GABRG3: variants seen among roughly 807,000 people sequenced by gnomAD.
GABRG3 encodes the protein gamma-aminobutyric acid receptor subunit gamma-3.
Under a neutral mutation model 48.8 loss-of-function variants are expected in GABRG3, and 25 were observed. The ratio of observed to expected loss-of-function variants is 0.51; its 90% CI spans 0.37 to 0.72. GABRG3 has a LOEUF of 0.72. Ranked by LOEUF, GABRG3 falls within the 30% of genes least tolerant of loss-of-function variation. GABRG3 has a pLI of 0.00. For synonymous variants in GABRG3, 227 were observed against 217.6 expected (o/e 1.04, Z -0.38); for missense variants, 394 against 577.9 (o/e 0.68, Z 3.26).
intron 3 of GABRG3, among the ~76,000 whole-genome samples, chr15:27,197,057 A>G (rs1362902337): frequency 6.6e-6 from 1 of 152,220 alleles, no homozygotes; most frequent in East Asian, 1.9e-4. Flanking sequence ...GTGAGAAGGA[A>G]TGGATAGAAC....
At chr15:27,099,315 C>T (rs1038837915) in intron 3 of GABRG3, among the ~76,000 whole-genome samples, 5 of 152,042 alleles carry the variant, frequency 3.3e-5, no homozygotes, top group African/African-American at 4.8e-5. Flanking sequence ...AGCCTGGGCA[C>T]TTTATTTTCT....
intron 3 of GABRG3, among the ~76,000 whole-genome samples, chr15:27,055,192 G>A (rs1896524141): frequency 6.6e-6 from 1 of 152,054 alleles, no homozygotes; most frequent in Non-Finnish European, 1.5e-5. Flanking sequence ...TCCCGCACCG[G>A]AGCAGCCTGT....
intron 3 of GABRG3, among the ~76,000 whole-genome samples, chr15:27,276,331 A>G (rs1891251566): frequency 6.6e-6 from 1 of 152,212 alleles, no homozygotes; most frequent in Non-Finnish European, 1.5e-5. Flanking sequence ...AGTTATTGAC[A>G]GATCCCGAAT....
In GABRG3 at chr15:27,001,615, T is replaced by TA. The variant is rs1255102997; in HGVS notation, c.202+24465_202+24466insA. The stretch of plus-strand genomic sequence containing the variant: ...AGCTATGGTTTCACTGGGATACTCT[T>TA]TATTAGGTCGTGTTTGTCACAGGGC... On this transcript the variant is annotated intron_variant, in intron 2 of 9. Transcript: ENST00000615808. Among the ~76,000 whole-genome samples the TA allele has an allele frequency of 2.0e-5, 3 of 152,226 alleles. No individual in the cohort carries two copies. In the East Asian group the frequency reaches 5.8e-4, roughly 29 times the overall value.
chr15:27,229,990 A>T (rs955948186), intron 3 of GABRG3, among the ~76,000 whole-genome samples: 1 of 152,216 alleles, frequency 6.6e-6, no homozygotes, highest in Admixed American at 6.5e-5. Context: ...TTCTTTGGAC[A>T]GTATGGACAT....
intron 2 of GABRG3, among the ~76,000 whole-genome samples, chr15:26,984,317 G>A (rs564276799): frequency 3.5e-4 from 54 of 152,152 alleles, no homozygotes; most frequent in Admixed American, 2.3e-3. Context: ...AACTGCAGCA[G>A]GGCGATCCAT....
chr15:27,380,139 C>T (rs12905149), intron 5 of GABRG3, among the ~76,000 whole-genome samples: 58,122 of 151,776 alleles, frequency 0.38, 11,658 homozygotes, highest in African/African-American at 0.48. Context: ...TCAAGCTTAC[C>T]GTTTTCTCAG....
At chr15:27,493,513 A>G (rs1222393886) in intron 6 of GABRG3, among the ~76,000 whole-genome samples, 1 of 152,198 alleles carries the variant, frequency 6.6e-6, no homozygotes, top group Non-Finnish European at 1.5e-5. Context: ...TCTGGATTCT[A>G]TTAGAATAAA....
At chr15:27,026,642 G>T (rs35270520) in intron 2 of GABRG3, 112 bp from the exon 3 acceptor site, 97,232 of 569,214 alleles carry the variant, frequency 0.17, 8,710 homozygotes, top group Non-Finnish European at 0.19. Context: ...CTGCTCATGT[G>T]TGTTTCCACC....
chr15:27,227,537 A>G (rs1042162540), intron 3 of GABRG3, among the ~76,000 whole-genome samples: 10 of 152,034 alleles, frequency 6.6e-5, no homozygotes, highest in African/African-American at 2.2e-4. Flanking sequence ...TATTTTTTAA[A>G]TTATCTGGCC....
In GABRG3 at chr15:27,290,441, A is replaced by G. The variant is rs549187230; in HGVS notation, c.271-36368A>G. On this transcript the variant is annotated intron_variant, in intron 3 of 9. Transcript: ENST00000615808. ...CAAGAAAGTGACTTTACAGTGGAGA[A>G]AGCTGGCAAATATGATCTTATCCAG... Among the ~76,000 whole-genome samples, 3 of 152,236 alleles carry G rather than the reference A, an allele frequency of 2.0e-5. No individual in the cohort carries two copies. The South Asian group carries it at 6.2e-4, about 32-fold the overall frequency.
intron 3 of GABRG3, among the ~76,000 whole-genome samples, chr15:27,212,552 A>T (rs1437168530): frequency 1.3e-5 from 2 of 152,182 alleles, no homozygotes; most frequent in Non-Finnish European, 2.9e-5. Context: ...GAAAATCCTC[A>T]TGCTCATTAT....
chr15:27,522,331 G>C (rs1891178011), intron 7 of GABRG3, among the ~76,000 whole-genome samples: 1 of 151,700 alleles, frequency 6.6e-6, no homozygotes, highest in Admixed American at 6.6e-5. Flanking sequence ...AAACCATAGT[G>C]AAAATTCTAA....
chr15:27,065,539 C>G (rs1269849547), intron 3 of GABRG3, among the ~76,000 whole-genome samples: 4 of 152,190 alleles, frequency 2.6e-5, no homozygotes, highest in South Asian at 2.1e-4. Context: ...TCCTTCCATT[C>G]CCAATATCCC....
In GABRG3 at chr15:27,342,580, G is replaced by C. The variant is rs951625714; in HGVS notation, c.574+13692G>C. On this transcript the variant is annotated intron_variant, in intron 5 of 9. Coordinates refer to ENST00000615808, the MANE Select transcript of GABRG3 (RefSeq NM_033223.5). ...GAGAAAAGAAACGTGGAAATGCAAG[G>C]GTTCGCAGATTCTCAGGGCATTCCC... 3.9e-5 allele frequency among the ~76,000 whole-genome samples: 6 copies of C among 152,204 alleles called. No individual in the cohort carries two copies. In the East Asian group the frequency reaches 9.6e-4, roughly 24 times the overall value.
intron 1 of GABRG3, 116 bp downstream of exon 1, chr15:26,971,704 G>T (rs943606682): frequency 6.0e-5 from 70 of 1,160,764 alleles, no homozygotes; most frequent in Non-Finnish European, 7.5e-5. Context: ...GCGGCACGGC[G>T]GGCCGGGAGG....
At chr15:27,226,496 G>A (rs1889621262) in intron 3 of GABRG3, among the ~76,000 whole-genome samples, 1 of 152,146 alleles carries the variant, frequency 6.6e-6, no homozygotes, top group Admixed American at 6.5e-5. Flanking sequence ...CTGGGCCCCA[G>A]GCAAGCTGGC....
At chr15:27,160,089 C>T (rs1887119781) in intron 3 of GABRG3, among the ~76,000 whole-genome samples, 1 of 152,156 alleles carries the variant, frequency 6.6e-6, no homozygotes, top group Non-Finnish European at 1.5e-5. Flanking sequence ...GGGTGGACTC[C>T]CTGGTTCCCC....
intron 2 of GABRG3, among the ~76,000 whole-genome samples, chr15:27,015,000 C>T (rs1029986601): frequency 1.3e-5 from 2 of 152,094 alleles, no homozygotes; most frequent in South Asian, 4.2e-4. Context: ...GTGAATGGAC[C>T]CTTTTATTAC....
Sources: gnomAD v4.1 joint callset for allele counts (sites outside exome capture counted in the v4.1 genomes callset) on GRCh38, gnomAD v4.1.1 for gene constraint, MANE v1.5 for transcripts, NCBI Gene and HGNC (gene_info 2026-07-23, HGNC 2026-07-21) for gene names.